SLC10A7: variants seen among roughly 807,000 people sequenced by gnomAD.
SLC10A7 encodes the protein sodium/bile acid cotransporter 7.
Under a neutral mutation model 43.2 loss-of-function variants are expected in SLC10A7, and 29 were observed. That is an observed-to-expected ratio of 0.67 (90% CI 0.50 to 0.92). The LOEUF is 0.92. Ranked by LOEUF, SLC10A7 falls within the 40% of genes least tolerant of loss-of-function variation. SLC10A7 has a pLI of 0.00. For missense variants in SLC10A7, 295 were observed against 403.2 expected (o/e 0.73, Z 2.30); for synonymous variants, 152 against 144.8 (o/e 1.05, Z -0.35).
rs180845617 is a variant in SLC10A7, at chr4:146,438,029, C to T, written c.435+4754G>A. 1.5e-4 allele frequency among the ~76,000 whole-genome samples: 23 copies of T among 151,980 alleles called. 1 individual carries two copies. Among genetic ancestry groups the T allele is most frequent in the Non-Finnish European group, 2.4e-4 (16 of 67,860 alleles). On this transcript the variant is annotated intron_variant, in intron 5 of 11. Transcript: ENST00000335472. ...TCATTGTACAGGAAAGGAAAAATTA[C>T]AAGAAGGTGATAAACATGTCACAAG...
chr4:146,362,333 A>G (rs1411525711), intron 5 of SLC10A7, among the ~76,000 whole-genome samples: 5 of 152,170 alleles, frequency 3.3e-5, no homozygotes, highest in Non-Finnish European at 5.9e-5. Context: ...GGAAAAAGAA[A>G]GGATGCTAAA....
At chr4:146,374,096 G>A (rs964648702) in intron 5 of SLC10A7, among the ~76,000 whole-genome samples, 1 of 152,172 alleles carries the variant, frequency 6.6e-6, no homozygotes, top group Non-Finnish European at 1.5e-5. Flanking sequence ...AGAGACCTGG[G>A]TTTGGATCTG....
intron 5 of SLC10A7, among the ~76,000 whole-genome samples, chr4:146,349,689 C>G (rs916253517): frequency 3.9e-5 from 6 of 152,130 alleles, no homozygotes; most frequent in African/African-American, 1.4e-4. Context: ...ATAAAAAGAA[C>G]AAAATCATGT....
intron 4 of SLC10A7, among the ~76,000 whole-genome samples, chr4:146,497,766 G>A (rs1389995809): frequency 6.6e-6 from 1 of 151,986 alleles, no homozygotes; most frequent in African/African-American, 2.4e-5. Flanking sequence ...TCCAAACATA[G>A]GGGAATAATT....
At chr4:146,283,088 C>T in intron 10 of SLC10A7, 104 bp downstream of exon 10, 1 of 884,460 alleles carries the variant, frequency 1.1e-6, no homozygotes, top group Non-Finnish European at 1.8e-6. Context: ...ATAGTGTGGA[C>T]AACACCCCAT....
chr4:146,257,782 C>T (rs1412675746), intron 11 of SLC10A7, among the ~76,000 whole-genome samples: 1 of 152,184 alleles, frequency 6.6e-6, no homozygotes, highest in Non-Finnish European at 1.5e-5. Context: ...AGGCCAGCAG[C>T]CTGAGCTCTG....
At chr4:146,430,168 G>A (rs953465663) in intron 5 of SLC10A7, among the ~76,000 whole-genome samples, 17 of 152,044 alleles carry the variant, frequency 1.1e-4, no homozygotes, top group African/African-American at 4.1e-4. Flanking sequence ...AGAGGGTGAA[G>A]GGTGGATCAA....
chr4:146,425,289 T>C (rs1729255728), intron 5 of SLC10A7, among the ~76,000 whole-genome samples: 1 of 152,202 alleles, frequency 6.6e-6, no homozygotes, highest in South Asian at 2.1e-4. Context: ...AGTTTATAAT[T>C]AAACGGATTA....
chr4:146,488,751 C>T (rs370927459), intron 4 of SLC10A7, among the ~76,000 whole-genome samples: 2 of 152,002 alleles, frequency 1.3e-5, no homozygotes, highest in African/African-American at 2.4e-5. Flanking sequence ...GCAGAATAGG[C>T]GTGAATAATT....
intron 5 of SLC10A7, among the ~76,000 whole-genome samples, chr4:146,354,652 C>T (rs1268843656): frequency 6.6e-6 from 1 of 151,174 alleles, no homozygotes; most frequent in East Asian, 1.9e-4. Context: ...TACAAGGCTA[C>T]AGTAACCAAA....
At chr4:146,347,182 G>A (rs971437806) in intron 5 of SLC10A7, among the ~76,000 whole-genome samples, 2 of 152,108 alleles carry the variant, frequency 1.3e-5, no homozygotes, top group African/African-American at 4.8e-5. Context: ...ATGTGTGAAA[G>A]GCCTGTAGAC....
Position 146,344,799 on chromosome 4 carries a change from G to C in SLC10A7, c.436-18803C>G, listed in dbSNP as rs142024846. Among the ~76,000 whole-genome samples, 179 of 152,040 alleles carry C rather than the reference G, an allele frequency of 1.2e-3. 1 individual carries two copies. Among genetic ancestry groups the C allele is most frequent in the African/African-American group, 4.1e-3 (172 of 41,498 alleles). On this transcript the variant is annotated intron_variant, in intron 5 of 11. Transcript: ENST00000335472. ...ACTCTTCCCACTAGTTTTTGTTTGG[G>C]AAAATATAGTGATATTTCATAAAAA...
At chr4:146,293,869 T>G (rs970103188) in intron 8 of SLC10A7, 61 bp downstream of exon 8, 2 of 1,186,020 alleles carry the variant, frequency 1.7e-6, no homozygotes, top group Admixed American at 3.7e-5. Context: ...GAACACACAG[T>G]GCTACGCGTT....
chr4:146,305,290 C>T (rs1470074680), intron 7 of SLC10A7, among the ~76,000 whole-genome samples: 7 of 151,292 alleles, frequency 4.6e-5, no homozygotes, highest in African/African-American at 9.7e-5. Context: ...ATGGATGAAA[C>T]TGGAAATCAT....
intron 5 of SLC10A7, among the ~76,000 whole-genome samples, chr4:146,396,347 A>C (rs1738822040): frequency 6.6e-6 from 1 of 152,174 alleles, no homozygotes; most frequent in Non-Finnish European, 1.5e-5. Context: ...TCTAAATAAA[A>C]ATTTTCCTTC....
intron 4 of SLC10A7, among the ~76,000 whole-genome samples, chr4:146,462,700 A>G (rs992836746): frequency 6.6e-6 from 1 of 152,206 alleles, no homozygotes; most frequent in African/African-American, 2.4e-5. Context: ...CTGAAGGTAT[A>G]TTAGCTTAGT....
chr4:146,343,250 G>A (rs1401551166), intron 5 of SLC10A7, among the ~76,000 whole-genome samples: 1 of 151,964 alleles, frequency 6.6e-6, no homozygotes, highest in East Asian at 1.9e-4. Flanking sequence ...GCTTGCTATA[G>A]AGCTACTAAT....
intron 6 of SLC10A7, among the ~76,000 whole-genome samples, chr4:146,322,535 T>TA (rs1732793029): frequency 2.6e-5 from 4 of 152,116 alleles, no homozygotes; most frequent in Admixed American, 2.6e-4. Context: ...CATGTCCCCC[T>TA]ACAAAGGACA....
intron 5 of SLC10A7, among the ~76,000 whole-genome samples, chr4:146,343,165 C>T (rs573281776): frequency 3.9e-5 from 6 of 151,912 alleles, no homozygotes; most frequent in Non-Finnish European, 8.8e-5. Flanking sequence ...AAACAATTTT[C>T]TATTAGGTGA....
Sources: allele counts gnomAD v4.1 joint callset (sites outside exome capture counted in the v4.1 genomes callset), GRCh38; gene constraint gnomAD v4.1.1; transcripts MANE v1.5; gene names NCBI Gene and HGNC (gene_info 2026-07-23, HGNC 2026-07-21).